The following NCOA7 variants were observed in gnomAD, a reference collection of about 807,000 sequenced individuals.
NCOA7 encodes the protein nuclear receptor coactivator 7.
Under a neutral mutation model 104.3 loss-of-function variants are expected in NCOA7, and 45 were observed. That is an observed-to-expected ratio of 0.43 (90% confidence interval 0.34 to 0.55). NCOA7 has a LOEUF of 0.55. NCOA7 is among the 20% of genes least tolerant of loss of function. NCOA7 has a pLI of 0.02. For synonymous variants in NCOA7, 398 were observed against 402.3 expected, an observed-to-expected ratio of 0.99 and a Z score of 0.13; for missense variants, 1,041 against 1,119.7, an observed-to-expected ratio of 0.93 and a Z score of 1.00.
rs1304801503 is a variant in NCOA7 at position 125,915,560 on chromosome 6, G to C, written c.2244+80G>C. On this transcript the variant is annotated intron_variant, in intron 11 of 15. Coordinates refer to ENST00000392477, the MANE Select transcript of NCOA7 (RefSeq NM_181782.5). ...CTCGCATTCAGATTCCATGTAACAG[G>C]CTGGTAAGAAACTAGAGTCCCTGTG... The C allele has an allele frequency of 5.8e-6, 9 of 1,553,660 alleles. 1 individual carries two copies. The highest frequency in any genetic ancestry group is 6.2e-6 in the Non-Finnish European group (7 of 1,132,206).
chr6:125,832,324 C>T (rs954461690), intron 2 of NCOA7, among the ~76,000 whole-genome samples: 15 of 152,172 alleles, frequency 9.9e-5, no homozygotes, highest in Non-Finnish European at 2.2e-4. Flanking sequence ...GCCACTTTGA[C>T]ATTTTGTGCG....
At chr6:125,918,477 T>C (rs1221897791) in intron 11 of NCOA7, among the ~76,000 whole-genome samples, 1 of 152,074 alleles carries the variant, frequency 6.6e-6, no homozygotes, top group East Asian at 1.9e-4. Context: ...GTGTGAGCAA[T>C]ACAATACACT....
intron 9 of NCOA7, 101 bp from the exon 10 acceptor site, chr6:125,890,541 T>C: frequency 8.5e-7 from 1 of 1,171,810 alleles, no homozygotes; most frequent in Non-Finnish European, 1.2e-6. Context: ...CTGCAATGTT[T>C]TGACTAAGAG....
chr6:125,845,503 C>T (rs1434953122), intron 2 of NCOA7, among the ~76,000 whole-genome samples: 7 of 152,110 alleles, frequency 4.6e-5, no homozygotes, highest in African/African-American at 1.4e-4. Flanking sequence ...TGGCTGGGCA[C>T]GGTGGCTCAT....
intron 1 of NCOA7, among the ~76,000 whole-genome samples, chr6:125,805,087 C>CTTTTTTTTTTTTTTTTTTT (rs59737297): frequency 6.9e-5 from 4 of 58,040 alleles, no homozygotes; most frequent in African/African-American, 2.5e-4. Context: ...CCCTCTTGTT[C>CTTTTTTTTTTTTTTTTTTT]TTTTTTTTTT....
At chr6:125,821,454 A>T (rs1370248109) in intron 2 of NCOA7, among the ~76,000 whole-genome samples, 1 of 152,152 alleles carries the variant, frequency 6.6e-6, no homozygotes, top group African/African-American at 2.4e-5. Context: ...TATAGAACAC[A>T]GGTCACCTGA....
intron 3 of NCOA7, among the ~76,000 whole-genome samples, chr6:125,858,558 G>A (rs1380778664): frequency 1.3e-5 from 2 of 151,698 alleles, no homozygotes; most frequent in Non-Finnish European, 2.9e-5. Context: ...AATTGCTTGA[G>A]CCCAGGAGTT....
At chr6:125,843,020 A>G (rs1780302570) in intron 2 of NCOA7, among the ~76,000 whole-genome samples, 1 of 152,210 alleles carries the variant, frequency 6.6e-6, no homozygotes, top group African/African-American at 2.4e-5. Flanking sequence ...AAGCTAAGTT[A>G]GCCAGTGTGG....
chr6:125,788,456 A>G (rs1389197307), upstream of NCOA7, among the ~76,000 whole-genome samples: 1 of 152,186 alleles, frequency 6.6e-6, no homozygotes. Context: ...TAAAAATGTT[A>G]TAAGAAGCAT....
At chr6:125,835,853 G>A (rs1208867921) in intron 2 of NCOA7, among the ~76,000 whole-genome samples, 1 of 152,182 alleles carries the variant, frequency 6.6e-6, no homozygotes, top group Admixed American at 6.5e-5. Flanking sequence ...AGTATGTCAG[G>A]CACTGTACTA....
At chr6:125,800,900 G>A (rs975238682) in intron 1 of NCOA7, among the ~76,000 whole-genome samples, 4 of 152,298 alleles carry the variant, frequency 2.6e-5, no homozygotes, top group South Asian at 2.1e-4. Flanking sequence ...CGGGGCACGC[G>A]CCTGTAATCC....
At chr6:125,863,421 G>A (rs1280487518) in intron 3 of NCOA7, among the ~76,000 whole-genome samples, 1 of 138,294 alleles carries the variant, frequency 7.2e-6, no homozygotes, top group Non-Finnish European at 1.5e-5. Flanking sequence ...ATAGTAGTCT[G>A]CATAATGCAA....
At chr6:125,915,918 A>G (rs567037622) in intron 11 of NCOA7, among the ~76,000 whole-genome samples, 2 of 152,334 alleles carry the variant, frequency 1.3e-5, no homozygotes, top group African/African-American at 4.8e-5. Context: ...GTGTCACAAA[A>G]TATTGTTATT....
intron 10 of NCOA7, among the ~76,000 whole-genome samples, chr6:125,905,361 A>G (rs1244039864): frequency 6.7e-6 from 1 of 148,858 alleles, no homozygotes; most frequent in Non-Finnish European, 1.5e-5. Context: ...GGTTCAAGTG[A>G]TTCTTCTGCC....
chr6:125,818,668 A>G (rs887243506), intron 2 of NCOA7: 7 of 152,314 alleles, frequency 4.6e-5, no homozygotes, highest in African/African-American at 1.7e-4. Flanking sequence ...TGGTCAAGCT[A>G]TTAAAAGCAA....
intron 2 of NCOA7, among the ~76,000 whole-genome samples, chr6:125,819,664 A>G (rs1384510845): frequency 1.3e-5 from 2 of 152,208 alleles, no homozygotes; most frequent in Admixed American, 6.5e-5. Context: ...TTTCTGTACT[A>G]TTTGTACTGT....
chr6:125,834,423 T>C lies in NCOA7; in HGVS notation c.50+19019T>C, dbSNP rs542832788. ...TTATTTACTTAGTTGTTTATTGTTATAGACATTTAGGGATGGAAAATATCT... is the reference window on the plus strand; with the variant it reads ...TTATTTACTTAGTTGTTTATTGTTACAGACATTTAGGGATGGAAAATATCT... On this transcript the variant is annotated intron_variant, in intron 2 of 15. Coordinates refer to ENST00000392477, the MANE Select transcript of NCOA7 (RefSeq NM_181782.5). 3.9e-5 allele frequency among the ~76,000 whole-genome samples: 6 copies of C among 152,344 alleles called. No individual in the cohort carries two copies. In the East Asian group the frequency reaches 9.6e-4, roughly 24 times the overall value.
intron 2 of NCOA7, among the ~76,000 whole-genome samples, chr6:125,841,796 G>A (rs1780201122): frequency 6.6e-6 from 1 of 151,982 alleles, no homozygotes; most frequent in Non-Finnish European, 1.5e-5. Context: ...GTAGCAATTG[G>A]AAAAAATACC....
chr6:125,924,795 T>C (rs1479491641), intron 13 of NCOA7, among the ~76,000 whole-genome samples: 1 of 152,164 alleles, frequency 6.6e-6, no homozygotes, highest in East Asian at 1.9e-4. Flanking sequence ...GTGGTTCCAC[T>C]CTGGGCATGT....
Sources: allele counts gnomAD v4.1 joint callset (sites outside exome capture counted in the v4.1 genomes callset), GRCh38; gene constraint gnomAD v4.1.1; transcripts MANE v1.5; gene names NCBI Gene and HGNC (gene_info 2026-07-23, HGNC 2026-07-21).